PACSIN2: variants seen among roughly 807,000 people sequenced by gnomAD.
PACSIN2 encodes protein kinase C and casein kinase substrate in neurons 2.
A neutral mutation model predicts 63.8 loss-of-function variants in PACSIN2; 25 were observed. The observed-to-expected ratio is 0.39, with a 90% CI of 0.29 to 0.55. The LOEUF (loss-of-function observed/expected upper bound fraction) is 0.55. Among genes scored for constraint, PACSIN2 ranks in the 20% least tolerant of loss-of-function variants. The pLI, the probability that PACSIN2 is intolerant of heterozygous loss-of-function variation, is 0.62. For synonymous variants in PACSIN2, 255 were observed against 256.2 expected (o/e 1.00, Z 0.05); for missense variants, 518 against 646.9 (o/e 0.80, Z 2.16).
chr22:42,915,219 G>C (rs909712), intron 1 of PACSIN2, among the ~76,000 whole-genome samples: 27,617 of 152,094 alleles, frequency 0.18, 4,303 homozygotes, highest in East Asian at 0.73. Flanking sequence ...GCTCAGCACA[G>C]TGGGCAGCCT....
chr22:42,912,292 G>A, intron 1 of PACSIN2, 135 bp from the exon 2 acceptor site: 1 of 518,380 alleles, frequency 1.9e-6, no homozygotes, highest in Non-Finnish European at 3.3e-6. Context: ...CCTTTAGGTG[G>A]CAGAAAGCCA....
chr22:42,923,313 A>G (rs957256134), intron 1 of PACSIN2, among the ~76,000 whole-genome samples: 2 of 152,170 alleles, frequency 1.3e-5, no homozygotes, highest in Non-Finnish European at 2.9e-5. Flanking sequence ...GGCAGACCAC[A>G]TTGCTGGTCT....
chr22:42,878,856 C>T (rs1388799980), intron 8 of PACSIN2, among the ~76,000 whole-genome samples, 192 bp downstream of exon 8: 1 of 148,232 alleles, frequency 6.7e-6, no homozygotes, highest in Non-Finnish European at 1.5e-5. Context: ...CCTGGAGATG[C>T]CCCTGGGCCA....
intron 1 of PACSIN2, among the ~76,000 whole-genome samples, chr22:43,006,372 A>G (rs1395384507): frequency 6.6e-6 from 1 of 152,216 alleles, no homozygotes; most frequent in African/African-American, 2.4e-5. Flanking sequence ...TCACCTAGTG[A>G]TGGAGCTCGA....
intron 1 of PACSIN2, among the ~76,000 whole-genome samples, chr22:42,971,166 G>A (rs950027649): frequency 2.6e-5 from 4 of 152,178 alleles, no homozygotes; most frequent in Non-Finnish European, 4.4e-5. Flanking sequence ...CCGCCATCTC[G>A]GCTCACTGCA....
At chr22:42,902,623 T>C (rs528111646) in intron 2 of PACSIN2, among the ~76,000 whole-genome samples, 2 of 151,944 alleles carry the variant, frequency 1.3e-5, no homozygotes, top group Non-Finnish European at 2.9e-5. Flanking sequence ...TTTTTTGAGA[T>C]GGAGTCTCGC....
At chr22:42,932,526 C>T (rs1161002158) in intron 1 of PACSIN2, among the ~76,000 whole-genome samples, 1 of 152,112 alleles carries the variant, frequency 6.6e-6, no homozygotes. Flanking sequence ...GGGATCTTTA[C>T]AAGTGAAATG....
intron 1 of PACSIN2, among the ~76,000 whole-genome samples, chr22:43,009,355 T>C (rs1924301686): frequency 6.6e-6 from 1 of 152,230 alleles, no homozygotes; most frequent in Non-Finnish European, 1.5e-5. Context: ...GGAATGTGCA[T>C]CTTCTATAAA....
intron 2 of PACSIN2, among the ~76,000 whole-genome samples, chr22:42,902,355 C>A (rs140194669): frequency 1.4e-4 from 22 of 152,272 alleles, no homozygotes; most frequent in African/African-American, 4.6e-4. Flanking sequence ...CCACAGATTA[C>A]CCCTCCCCCT....
intron 1 of PACSIN2, among the ~76,000 whole-genome samples, chr22:42,947,504 C>T (rs1307969387): frequency 6.6e-6 from 1 of 152,106 alleles, no homozygotes; most frequent in Non-Finnish European, 1.5e-5. Flanking sequence ...TCTTCCCTAC[C>T]CAACAGTCTG....
intron 1 of PACSIN2, among the ~76,000 whole-genome samples, chr22:42,939,145 A>G (rs1013915471): frequency 1.5e-4 from 23 of 152,212 alleles, no homozygotes; most frequent in African/African-American, 5.3e-4. Flanking sequence ...TGGAGCTAAC[A>G]GCGTGTAATT....
chr22:43,010,398 A>ATATT lies in PACSIN2; in HGVS notation c.-78+4622_-78+4623insAATA. Among the ~76,000 whole-genome samples the ATATT allele has an allele frequency of 2.4e-3, 300 of 126,392 alleles. 8 individuals carry two copies. Among genetic ancestry groups the ATATT allele is most frequent in the African/African-American group, 8.4e-3 (296 of 35,338 alleles). The allele number at this position is 126,392 out of a possible 152,430, so 82.9% of individuals were successfully genotyped here. ...TGTTTAAAAATACATATATATATAT[A>ATATT]TTTTTTTTTAATTGAAAATAAAAAA... On this transcript the variant is annotated intron_variant, in intron 1 of 10. Coordinates refer to ENST00000263246, the MANE Select transcript of PACSIN2 (RefSeq NM_001184970.3).
intron 1 of PACSIN2, among the ~76,000 whole-genome samples, chr22:42,981,812 C>T (rs1244024755): frequency 1.6e-5 from 2 of 122,724 alleles, no homozygotes; most frequent in Non-Finnish European, 3.5e-5. Context: ...CCGCCCAGTC[C>T]GGGAGGGAGG....
At chr22:42,966,612 T>C (rs1244164606) in intron 1 of PACSIN2, among the ~76,000 whole-genome samples, 5 of 152,184 alleles carry the variant, frequency 3.3e-5, no homozygotes, top group African/African-American at 7.2e-5. Context: ...GACAGCCCAA[T>C]TGAGGAAAAA....
chr22:42,995,501 G>A (rs747169078), intron 1 of PACSIN2, among the ~76,000 whole-genome samples: 10 of 152,106 alleles, frequency 6.6e-5, no homozygotes, highest in Admixed American at 1.3e-4. Context: ...TCTGTCCATT[G>A]GGCAGGACCT....
At chr22:42,921,307 C>T (rs1281827403) in intron 1 of PACSIN2, among the ~76,000 whole-genome samples, 3 of 150,218 alleles carry the variant, frequency 2.0e-5, no homozygotes, top group South Asian at 2.1e-4. Context: ...TGCAGTGAGC[C>T]GAGATTGTGT....
chr22:43,004,931 T>C (rs738380), intron 1 of PACSIN2, among the ~76,000 whole-genome samples: 49,637 of 152,082 alleles, frequency 0.33, 9,405 homozygotes, highest in Non-Finnish European at 0.43. Context: ...GGGAAACAAA[T>C]CAACAAGGCT....
intron 1 of PACSIN2, among the ~76,000 whole-genome samples, chr22:42,969,925 A>C (rs1261557294): frequency 6.6e-6 from 1 of 151,954 alleles, no homozygotes; most frequent in Non-Finnish European, 1.5e-5. Flanking sequence ...AGAAAAAGAA[A>C]AAAAAAAGAA....
rs1933274765 is a variant in PACSIN2 at position 42,943,617 on chromosome 22, CT to C, written c.-77-31461del. ...TGTTGCTTGGGGTTGGGTGTTTTTT[CT>C]TTCTTTTGTTTTGTTTTAATGTTGC... On this transcript the variant is annotated intron_variant, in intron 1 of 10. Transcript: ENST00000263246. Among the ~76,000 whole-genome samples, 10 of 151,950 alleles carry C rather than the reference CT, an allele frequency of 6.6e-5. No individual in the cohort carries two copies. In the South Asian group the frequency reaches 2.1e-3, roughly 31 times the overall value.
Sources: gnomAD v4.1 joint callset for allele counts (sites outside exome capture counted in the v4.1 genomes callset) on GRCh38, gnomAD v4.1.1 for gene constraint, MANE v1.5 for transcripts, NCBI Gene and HGNC (gene_info 2026-07-23, HGNC 2026-07-21) for gene names.